Variants in CLVS1 observed in about 807,000 individuals in gnomAD.
CLVS1 encodes the protein clavesin 1, also known as clavesin-1.
In CLVS1, 10 loss-of-function variants were observed where a neutral mutation model predicts 33.1. The observed-to-expected ratio is 0.30, with a 90% CI of 0.19 to 0.51. The LOEUF is 0.51. Among genes scored for constraint, CLVS1 ranks in the 20% least tolerant of loss-of-function variants. The pLI is 0.97. For missense variants in CLVS1, 343 were observed against 433.4 expected, an observed-to-expected ratio of 0.79 and a Z score of 1.85; for synonymous variants, 163 against 166.1, an observed-to-expected ratio of 0.98 and a Z score of 0.14.
intron 1 of CLVS1, among the ~76,000 whole-genome samples, chr8:61,074,982 C>T (rs1437605853): frequency 6.6e-6 from 1 of 152,100 alleles, no homozygotes; most frequent in African/African-American, 2.4e-5. Context: ...TCATCCTCCC[C>T]CCCCTTTTAA....
intron 1 of CLVS1, among the ~76,000 whole-genome samples, chr8:61,076,812 C>T (rs982536245): frequency 6.6e-6 from 1 of 152,158 alleles, no homozygotes; most frequent in Non-Finnish European, 1.5e-5. Flanking sequence ...ATGTGCTGCA[C>T]TGGAAGAAGG....
At chr8:61,444,484 A>G (rs1816681715) in intron 3 of CLVS1, among the ~76,000 whole-genome samples, 1 of 152,252 alleles carries the variant, frequency 6.6e-6, no homozygotes, top group South Asian at 2.1e-4. Context: ...AGTAGATATG[A>G]TCACATGACT....
chr8:61,181,128 C>T (rs530040441), intron 2 of CLVS1, among the ~76,000 whole-genome samples: 45 of 152,304 alleles, frequency 3.0e-4, no homozygotes, highest in Admixed American at 1.9e-3. Context: ...TAAGCAACTT[C>T]GGCAAAGTCT....
At chr8:61,290,162 C>G (rs1223392292) in intron 1 of CLVS1, among the ~76,000 whole-genome samples, 1 of 152,180 alleles carries the variant, frequency 6.6e-6, no homozygotes, top group African/African-American at 2.4e-5. Context: ...TCCAGTGCCT[C>G]TAGAGCTTCT....
At chr8:60,968,031 C>G in the CLVS1 span, among the ~76,000 whole-genome samples, 1 of 152,272 alleles carries the variant, frequency 6.6e-6, no homozygotes, top group African/African-American at 2.4e-5. Context: ...ATCAAATTCT[C>G]GGGCCCAAGC....
intron 2 of CLVS1, among the ~76,000 whole-genome samples, chr8:61,327,975 C>T (rs1811445514): frequency 6.6e-6 from 1 of 152,212 alleles, no homozygotes; most frequent in Non-Finnish European, 1.5e-5. Context: ...GAAATATTTA[C>T]ATAAATAATA....
chr8:61,251,127 G>T (rs771043259), intron 2 of CLVS1, among the ~76,000 whole-genome samples: 2 of 152,098 alleles, frequency 1.3e-5, no homozygotes, highest in Non-Finnish European at 2.9e-5. Context: ...AGTATGAAGG[G>T]CTGTTAAATT....
chr8:61,238,917 TC>T (rs1808631044), intron 2 of CLVS1, among the ~76,000 whole-genome samples: 1 of 152,174 alleles, frequency 6.6e-6, no homozygotes, highest in Non-Finnish European at 1.5e-5. Flanking sequence ...GAAGGAAAAT[TC>T]TCTTGTTTAA....
At chr8:61,172,963 C>T (rs1585661913) in intron 2 of CLVS1, among the ~76,000 whole-genome samples, 1 of 152,298 alleles carries the variant, frequency 6.6e-6, no homozygotes, top group Admixed American at 6.5e-5. Context: ...AACTAAGTTA[C>T]ATGGGTTTAT....
chr8:61,117,699 G>C (rs1425426125), intron 1 of CLVS1, among the ~76,000 whole-genome samples: 4 of 152,264 alleles, frequency 2.6e-5, no homozygotes, highest in Non-Finnish European at 5.9e-5. Flanking sequence ...TATTGAACCA[G>C]CCTTGCATCC....
rs1279933127 is a variant in CLVS1, at chr8:61,500,150, A to ATTT, written c.*610_*612dup. On this transcript the variant is annotated 3_prime_UTR_variant, in exon 6 of 6. Coordinates refer to ENST00000325897, the MANE Select transcript of CLVS1 (RefSeq NM_173519.3). ...TTTTGATGATATCCTGCAAAAAATT[A>ATTT]TTTTGATGTCACATCTCTTGTCAGG... 1 of 152,618 alleles carries ATTT rather than the reference A, an allele frequency of 6.6e-6. No individual in the cohort carries two copies. The highest frequency in any genetic ancestry group is 1.9e-4 in the East Asian group (1 of 5,188). 9.5% of individuals were successfully genotyped at this position (152,618 alleles called of 1,614,324 possible).
intron 2 of CLVS1, among the ~76,000 whole-genome samples, chr8:61,216,414 A>T (rs1433713978): frequency 6.6e-6 from 1 of 152,194 alleles, no homozygotes; most frequent in Non-Finnish European, 1.5e-5. Context: ...TGTCTGAAGG[A>T]AGGAGTTTAG....
At chr8:61,393,613 C>T (rs1418685723) in intron 3 of CLVS1, among the ~76,000 whole-genome samples, 3 of 152,160 alleles carry the variant, frequency 2.0e-5, no homozygotes, top group Admixed American at 2.0e-4. Flanking sequence ...TGATATTGTG[C>T]CCTTTCATTT....
At chr8:61,095,347 C>T (rs1478424508) in intron 1 of CLVS1, among the ~76,000 whole-genome samples, 4 of 152,222 alleles carry the variant, frequency 2.6e-5, no homozygotes, top group African/African-American at 9.6e-5. Context: ...GTGGGGCTTT[C>T]TGACCCCAGA....
At chr8:61,321,691 G>A (rs1425632221) in intron 2 of CLVS1, among the ~76,000 whole-genome samples, 1 of 152,026 alleles carries the variant, frequency 6.6e-6, no homozygotes, top group Non-Finnish European at 1.5e-5. Context: ...CTTCACATCA[G>A]CTTCTTAAAG....
At chr8:61,279,223 A>G (rs1809620765) in intron 2 of CLVS1, among the ~76,000 whole-genome samples, 1 of 152,196 alleles carries the variant, frequency 6.6e-6, no homozygotes, top group Non-Finnish European at 1.5e-5. Flanking sequence ...GCACCTACTC[A>G]GAGCTGGCTC....
At chr8:61,181,894 G>T (rs930269846) in intron 2 of CLVS1, among the ~76,000 whole-genome samples, 1 of 151,672 alleles carries the variant, frequency 6.6e-6, no homozygotes, top group African/African-American at 2.4e-5. Context: ...GTAGAGATGG[G>T]GTTTCACTGT....
intron 2 of CLVS1, among the ~76,000 whole-genome samples, chr8:61,323,521 T>G (rs1220949370): frequency 6.6e-6 from 1 of 152,186 alleles, no homozygotes; most frequent in African/African-American, 2.4e-5. Flanking sequence ...TTCTCTCATA[T>G]GCAAAATATA....
At chr8:61,183,063 G>A (rs887203288) in intron 2 of CLVS1, among the ~76,000 whole-genome samples, 2 of 151,478 alleles carry the variant, frequency 1.3e-5, no homozygotes, top group African/African-American at 4.9e-5. Flanking sequence ...ACCAAACATC[G>A]CATGTTCTCA....
Sources: gnomAD v4.1 joint callset for allele counts (sites outside exome capture counted in the v4.1 genomes callset) on GRCh38, gnomAD v4.1.1 for gene constraint, MANE v1.5 for transcripts, NCBI Gene and HGNC (gene_info 2026-07-23, HGNC 2026-07-21) for gene names.